The following SEC22C variants were observed in gnomAD, a reference collection of about 807,000 sequenced individuals.
SEC22C encodes SEC22 homolog C, vesicle trafficking protein, also known as vesicle-trafficking protein SEC22c.
In SEC22C, 29 loss-of-function variants were observed where a neutral mutation model predicts 34.7. The ratio of observed to expected loss-of-function variants is 0.84; its 90% CI spans 0.62 to 1.14. SEC22C has a LOEUF of 1.14. Among genes scored for constraint, SEC22C ranks in the 50% most tolerant of loss-of-function variants. The probability of loss-of-function intolerance (pLI) is 0.00; values close to 1 mark genes in which losing one functional copy is unlikely to be tolerated. For synonymous variants in SEC22C, 117 were observed against 132.8 expected, an observed-to-expected ratio of 0.88 and a Z score of 0.82; for missense variants, 337 against 369.0, an observed-to-expected ratio of 0.91 and a Z score of 0.71.
rs1702323493 is a variant in SEC22C at position 42,553,063 on chromosome 3, C to A, written c.*185G>T. 6 of 1,430,682 alleles carry A rather than the reference C, an allele frequency of 4.2e-6. No homozygotes were observed. The highest frequency in any genetic ancestry group is 5.5e-6 in the Non-Finnish European group (6 of 1,098,584). The allele number at this position is 1,430,682 out of a possible 1,614,324, so 88.6% of individuals were successfully genotyped here. On this transcript the variant is annotated 3_prime_UTR_variant, in exon 7 of 7. Transcript: ENST00000264454. ...TCCTGCAGTAATGCTTGGCACAGAA[C>A]CAAGGCTGGGTATCAAGCAACCTCA...
At chr3:42,586,872 A>T (rs1577367827), upstream of SEC22C, among the ~76,000 whole-genome samples, 1 of 152,024 alleles carries the variant, frequency 6.6e-6, no homozygotes, top group South Asian at 2.1e-4. Flanking sequence ...CATTTCCACA[A>T]CTGAATATAT....
chr3:42,576,884 T>C (rs1190068444), intron 1 of SEC22C, among the ~76,000 whole-genome samples: 1 of 152,162 alleles, frequency 6.6e-6, no homozygotes, highest in African/African-American at 2.4e-5. Context: ...AGACTTATTA[T>C]ATAGCTATAG....
At chr3:42,600,659 C>T in intron 1 of SEC22C, 1 of 188,422 alleles carries the variant, frequency 5.3e-6, no homozygotes, top group Non-Finnish European at 1.1e-5. Context: ...TTTAGCGTGG[C>T]ATTGGGAGGC....
Position 42,550,393 on chromosome 3 carries a change from C to T in SEC22C, c.*2855G>A, listed in dbSNP as rs1019866537. On this transcript the variant is annotated 3_prime_UTR_variant, in exon 7 of 7. Transcript: ENST00000264454. Reference sequence around the variant, plus strand: ...GGATTTGGAACCAGTTTGCTGGTATCAAGGATCACACAAGAGGCTATAAAC... The same window carrying T: ...GGATTTGGAACCAGTTTGCTGGTATTAAGGATCACACAAGAGGCTATAAAC... The T allele has an allele frequency of 7.1e-6, 7 of 985,278 alleles. No individual in the cohort carries two copies. The African/African-American group carries it at 1.2e-4, about 17-fold the overall frequency. The allele number at this position is 985,278 out of a possible 1,614,324, so 61.0% of individuals were successfully genotyped here. A position where few individuals can be genotyped will look rare whatever the true frequency, so the allele number is the denominator to read the frequency against.
At position 42,550,189 on chromosome 3, in the gene SEC22C, G is replaced by A. The variant is rs1056050388; in HGVS notation, c.*3059C>T. 1.0e-6 allele frequency: 1 copy of A among 985,372 alleles called. No individual in the cohort carries two copies. The highest frequency in any genetic ancestry group is 1.7e-5 in the African/African-American group (1 of 57,262). The allele number at this position is 985,372 out of a possible 1,614,324, so 61.0% of individuals were successfully genotyped here. ...TAGATGGGACTTAACACACTCTGATGCTCAAGGCCTTGCAGCATCTGATAC... is the reference window on the plus strand; with the variant it reads ...TAGATGGGACTTAACACACTCTGATACTCAAGGCCTTGCAGCATCTGATAC... On this transcript the variant is annotated 3_prime_UTR_variant, in exon 7 of 7. Transcript: ENST00000264454.
intron 2 of SEC22C, 129 bp downstream of exon 2, chr3:42,568,736 T>C: frequency 1.4e-6 from 1 of 734,980 alleles, no homozygotes; most frequent in Non-Finnish European, 2.2e-6. Flanking sequence ...TAGACACACA[T>C]GATCTCAGAC....
At chr3:42,565,283 G>A (rs1236147596) in intron 2 of SEC22C, among the ~76,000 whole-genome samples, 2 of 152,082 alleles carry the variant, frequency 1.3e-5, no homozygotes, top group Non-Finnish European at 2.9e-5. Context: ...GTTTTCAGCA[G>A]GACGGTTTTT....
rs1702265157 is a variant in SEC22C, at chr3:42,551,652, TTA to T, written c.*1594_*1595del. ...CATGCCTGGCCCATATCCAAATATT[TTA>T]TGTTTGGTCAAAAATAGAAAATTCT... On this transcript the variant is annotated 3_prime_UTR_variant, in exon 7 of 7. Coordinates refer to ENST00000264454, the MANE Select transcript of SEC22C (RefSeq NM_032970.4). The T allele has an allele frequency of 1.0e-6, 1 of 957,212 alleles. No homozygotes were observed. The highest frequency in any genetic ancestry group is 1.2e-6 in the Non-Finnish European group (1 of 804,180). 59.3% of individuals were successfully genotyped at this position (957,212 alleles called of 1,614,324 possible). A position where few individuals can be genotyped will look rare whatever the true frequency, so the allele number is the denominator to read the frequency against.
chr3:42,549,991 A>T lies in SEC22C; in HGVS notation c.*3257T>A. 1.0e-6 allele frequency: 1 copy of T among 985,474 alleles called. No homozygotes were observed. The highest frequency in any genetic ancestry group is 1.1e-4 in the East Asian group (1 of 8,820). The allele number at this position is 985,474 out of a possible 1,614,324, so 61.0% of individuals were successfully genotyped here. On this transcript the variant is annotated 3_prime_UTR_variant, in exon 7 of 7. Coordinates refer to ENST00000264454, the MANE Select transcript of SEC22C (RefSeq NM_032970.4). Reference sequence around the variant, plus strand: ...TATGCCCCAGCTGTCTCCACCCAGGAAAAGGAAAGCCAGGTACACTTCTCA... The same window carrying T: ...TATGCCCCAGCTGTCTCCACCCAGGTAAAGGAAAGCCAGGTACACTTCTCA...
At chr3:42,582,235 G>A (rs1325700107), upstream of SEC22C, 3 of 152,264 alleles carry the variant, frequency 2.0e-5, no homozygotes, top group Admixed American at 2.0e-4. Flanking sequence ...CACGTCCGGA[G>A]GTGAGAAGGA....
intron 1 of SEC22C, among the ~76,000 whole-genome samples, chr3:42,599,212 GC>G (rs1484000507): frequency 6.6e-6 from 1 of 150,898 alleles, no homozygotes; most frequent in Non-Finnish European, 1.5e-5. Flanking sequence ...TGATCCGCCT[GC>G]CTCGGCCTCC....
Position 42,549,952 on chromosome 3 carries a change from G to T in SEC22C, c.*3296C>A. The T allele has an allele frequency of 1.0e-6, 1 of 985,472 alleles. No homozygotes were observed. Among genetic ancestry groups the T allele is most frequent in the Non-Finnish European group, 1.2e-6 (1 of 829,934 alleles). The allele number at this position is 985,472 out of a possible 1,614,324, so 61.0% of individuals were successfully genotyped here. A position where few individuals can be genotyped will look rare whatever the true frequency, so the allele number is the denominator to read the frequency against. On this transcript the variant is annotated 3_prime_UTR_variant, in exon 7 of 7. Coordinates refer to ENST00000264454, the MANE Select transcript of SEC22C (RefSeq NM_032970.4). Reference sequence around the variant, plus strand: ...CAGTGGGGCCTCTGGTACTGAGAGGGAATGCCACCCGAATATGCCCCAGCT... The same window carrying T: ...CAGTGGGGCCTCTGGTACTGAGAGGTAATGCCACCCGAATATGCCCCAGCT...
Position 42,563,537 on chromosome 3 carries a change from G to T in SEC22C, c.332C>A (p.Ala111Asp), listed in dbSNP as rs1167269179. The T allele has an allele frequency of 6.2e-7, 1 of 1,612,150 alleles. No individual in the cohort carries two copies. The highest frequency in any genetic ancestry group is 1.1e-5 in the South Asian group (1 of 90,750). The change falls in exon 3 of 7, where the codon GCT becomes GAT. Residue 111 changes from alanine to aspartate, a missense_variant. Coordinates refer to ENST00000264454, the MANE Select transcript of SEC22C (RefSeq NM_032970.4). ...TCIGLASRPY[A>D]FLEFDSIIQK... is the part of the protein sequence containing the mutation. The stretch of plus-strand genomic sequence containing the variant: ...GGGTTACAAACCAAACTCAAGAAAA[G>T]CGTATGGCCTGGAGGCTAGGCCAAT...
At chr3:42,589,812 A>C (rs1038903396) in intron 1 of SEC22C, among the ~76,000 whole-genome samples, 1 of 152,156 alleles carries the variant, frequency 6.6e-6, no homozygotes, top group Non-Finnish European at 1.5e-5. Context: ...TGGTGCCAAA[A>C]AGGCTGGGGA....
intron 1 of SEC22C, among the ~76,000 whole-genome samples, chr3:42,575,413 T>C (rs1034414516): frequency 6.6e-6 from 1 of 152,082 alleles, no homozygotes; most frequent in Non-Finnish European, 1.5e-5. Flanking sequence ...ACAATATAGG[T>C]AGGTTGAAAG....
Position 42,552,131 on chromosome 3 carries a change from A to C in SEC22C, c.*1117T>G. ...GATCAATCAATTTTTTGACAGTGAAAGAGAGTAACTTTCCAGAGTATGTGT... is the reference window on the plus strand; with the variant it reads ...GATCAATCAATTTTTTGACAGTGAACGAGAGTAACTTTCCAGAGTATGTGT... On this transcript the variant is annotated 3_prime_UTR_variant, in exon 7 of 7. Coordinates refer to ENST00000264454, the MANE Select transcript of SEC22C (RefSeq NM_032970.4). 1.0e-6 allele frequency: 1 copy of C among 985,442 alleles called. No homozygotes were observed. Among genetic ancestry groups the C allele is most frequent in the African/African-American group, 1.7e-5 (1 of 57,384 alleles). 61.0% of individuals were successfully genotyped at this position (985,442 alleles called of 1,614,324 possible).
chr3:42,574,422 C>T (rs1250558256), intron 1 of SEC22C, among the ~76,000 whole-genome samples: 1 of 139,840 alleles, frequency 7.2e-6, no homozygotes, highest in Non-Finnish European at 1.6e-5. Flanking sequence ...GATGAAGGAA[C>T]ATTAAAGGAA....
intron 5 of SEC22C, 40 bp downstream of exon 5, chr3:42,557,538 C>T: frequency 1.1e-6 from 1 of 874,284 alleles, no homozygotes; most frequent in Non-Finnish European, 1.8e-6. Context: ...TATCATATGT[C>T]CTTCAATTTA....
intron 3 of SEC22C, among the ~76,000 whole-genome samples, chr3:42,562,025 C>G (rs949775381): frequency 5.3e-5 from 8 of 151,892 alleles, no homozygotes; most frequent in Non-Finnish European, 1.0e-4. Flanking sequence ...AAAAAAAATA[C>G]AAATGAATAC....
Sources: allele counts gnomAD v4.1 joint callset (sites outside exome capture counted in the v4.1 genomes callset), GRCh38; gene constraint gnomAD v4.1.1; transcripts MANE v1.5; gene names NCBI Gene and HGNC (gene_info 2026-07-23, HGNC 2026-07-21).